Variants in TENM2 observed in about 807,000 individuals in gnomAD.
The protein encoded by TENM2 is teneurin transmembrane protein 2, also known as teneurin-2.
TENM2 carries 52 observed loss-of-function variants against 245.2 expected under a neutral mutation model. The ratio of observed to expected loss-of-function variants is 0.21; its 90% CI spans 0.17 to 0.27. TENM2 has a LOEUF of 0.27. Ranked by LOEUF, TENM2 falls within the 10% of genes least tolerant of loss-of-function variation. The probability of loss-of-function intolerance (pLI) is 1.00; values close to 1 mark genes in which losing one functional copy is unlikely to be tolerated. For missense variants in TENM2, 3,046 were observed against 3,666.8 expected, an observed-to-expected ratio of 0.83 and a Z score of 4.37; for synonymous variants, 1,363 against 1,438.9, an observed-to-expected ratio of 0.95 and a Z score of 1.19.
At chr5:167,572,247 G>A (rs552052199) in intron 2 of TENM2, among the ~76,000 whole-genome samples, 3 of 152,320 alleles carry the variant, frequency 2.0e-5, no homozygotes, top group South Asian at 4.1e-4. Context: ...TGGCCAGTGT[G>A]GGGGAAGAGA....
intron 2 of TENM2, among the ~76,000 whole-genome samples, chr5:167,616,377 C>G (rs72819683): frequency 0.028 from 4,311 of 152,178 alleles, 87 homozygotes; most frequent in Non-Finnish European, 0.044. Flanking sequence ...TTATAGCATT[C>G]TTGCCATTTG....
chr5:167,796,970 C>T (rs957266080), intron 2 of TENM2, among the ~76,000 whole-genome samples: 20 of 151,644 alleles, frequency 1.3e-4, no homozygotes, highest in African/African-American at 4.4e-4. Context: ...TTGTCAATAT[C>T]GGAGTCATAG....
At chr5:167,382,855 A>G (rs886966485) in intron 2 of TENM2, among the ~76,000 whole-genome samples, 1 of 152,224 alleles carries the variant, frequency 6.6e-6, no homozygotes, top group South Asian at 2.1e-4. Context: ...GATCTTTGAA[A>G]GGAATTTTTA....
At chr5:167,894,603 T>C (rs1042118298) in intron 3 of TENM2, among the ~76,000 whole-genome samples, 13 of 152,116 alleles carry the variant, frequency 8.5e-5, no homozygotes, top group African/African-American at 3.1e-4. Context: ...TCAAATATCA[T>C]TCCTTGGATA....
chr5:167,184,631 C>T, the TENM2 span, among the ~76,000 whole-genome samples: 1 of 152,078 alleles, frequency 6.6e-6, no homozygotes, highest in Non-Finnish European at 1.5e-5. Context: ...TGAACATAGC[C>T]CAGCTCTGTG....
At chr5:168,229,483 G>A (rs1045360418) in intron 25 of TENM2, 16 of 152,098 alleles carry the variant, frequency 1.1e-4, no homozygotes, top group Non-Finnish European at 8.8e-5. Context: ...TTACCTTCAG[G>A]TTGCGGGGAG....
At chr5:167,201,174 A>G in the TENM2 span, among the ~76,000 whole-genome samples, 6 of 152,204 alleles carry the variant, frequency 3.9e-5, no homozygotes, top group Non-Finnish European at 2.9e-5. Context: ...CAGATTTGTT[A>G]GAAAGTAGCT....
At position 168,244,503 on chromosome 5, in the gene TENM2, C is replaced by A; in HGVS notation, c.5604C>A (p.Thr1868=). Reference sequence around the variant, plus strand: ...TCTATGATGACCACCGGAAGTTCACCCTGAGGATCATTTATGACCAGGTGG... The same window carrying A: ...TCTATGATGACCACCGGAAGTTCACACTGAGGATCATTTATGACCAGGTGG... The change falls in exon 26 of 29, where the codon ACC becomes ACA. Residue 1868 remains threonine (T), a synonymous_variant. Coordinates refer to ENST00000518659, the Ensembl canonical transcript of TENM2. The surrounding 1 kb of genome is among the most constrained non-coding windows in gnomAD (Gnocchi z 4.9). 2 of 1,610,542 alleles carry A rather than the reference C, an allele frequency of 1.2e-6. No homozygotes were observed. Among genetic ancestry groups the A allele is most frequent in the Non-Finnish European group, 1.7e-6 (2 of 1,177,954 alleles).
chr5:167,702,067 T>C (rs1381637649), intron 2 of TENM2, among the ~76,000 whole-genome samples: 1 of 152,218 alleles, frequency 6.6e-6, no homozygotes, highest in East Asian at 1.9e-4. Context: ...AACTATAAAA[T>C]GTGTTCCCTG....
chr5:168,230,003 C>T (rs1764691091), intron 25 of TENM2: 1 of 152,178 alleles, frequency 6.6e-6, no homozygotes, highest in Admixed American at 6.5e-5. Flanking sequence ...ATCAGTTATG[C>T]ATTTTGACTA....
intron 2 of TENM2, among the ~76,000 whole-genome samples, chr5:167,428,951 C>T (rs184522340): frequency 1.3e-5 from 2 of 152,114 alleles, no homozygotes; most frequent in Non-Finnish European, 1.5e-5. Context: ...AAAATAATGT[C>T]CTTCTTCATC....
chr5:167,971,902 G>A (rs749682468), intron 4 of TENM2, among the ~76,000 whole-genome samples: 1 of 152,088 alleles, frequency 6.6e-6, no homozygotes, highest in Admixed American at 6.5e-5. Flanking sequence ...TCCACAACAC[G>A]CCAGCGCCTT....
chr5:167,847,395 A>G (rs916924442), intron 2 of TENM2, among the ~76,000 whole-genome samples: 1 of 152,260 alleles, frequency 6.6e-6, no homozygotes, highest in Non-Finnish European at 1.5e-5. Flanking sequence ...TCAAATCACT[A>G]GAAAATCTAC....
chr5:167,197,170 T>C, the TENM2 span, among the ~76,000 whole-genome samples: 1 of 152,074 alleles, frequency 6.6e-6, no homozygotes, highest in East Asian at 1.9e-4. Context: ...AGAGCCAAGA[T>C]ATATAAACTC....
At chr5:168,008,344 G>A (rs890220530) in intron 5 of TENM2, among the ~76,000 whole-genome samples, 1 of 152,212 alleles carries the variant, frequency 6.6e-6, no homozygotes, top group African/African-American at 2.4e-5. Context: ...ATGATAGATG[G>A]CCTTGAAATC....
chr5:166,984,155 GT>G, the TENM2 span, among the ~76,000 whole-genome samples: 1 of 152,064 alleles, frequency 6.6e-6, no homozygotes, highest in Non-Finnish European at 1.5e-5. Flanking sequence ...ATAAAAGGGA[GT>G]TATGTACCTT....
the TENM2 span, among the ~76,000 whole-genome samples, chr5:167,070,447 T>C: frequency 6.6e-6 from 1 of 151,998 alleles, no homozygotes; most frequent in Non-Finnish European, 1.5e-5. Flanking sequence ...GAAATATTGA[T>C]GATGCAAATA....
intron 12 of TENM2, among the ~76,000 whole-genome samples, chr5:168,159,552 T>C (rs889693919): frequency 1.3e-5 from 2 of 152,226 alleles, no homozygotes; most frequent in African/African-American, 4.8e-5. Context: ...GGCTTTGCAC[T>C]TTACAAACAC....
At chr5:167,678,079 T>C (rs1453354175) in intron 2 of TENM2, among the ~76,000 whole-genome samples, 1 of 152,094 alleles carries the variant, frequency 6.6e-6, no homozygotes, top group Non-Finnish European at 1.5e-5. Context: ...TATGACTGTT[T>C]CTGTTATGCA....
Sources: gnomAD v4.1 joint callset for allele counts (sites outside exome capture counted in the v4.1 genomes callset) on GRCh38, gnomAD v4.1.1 for gene constraint, Gnocchi (gnomAD v3.1) non-coding constraint, MANE v1.5 for transcripts, NCBI Gene and HGNC (gene_info 2026-07-23, HGNC 2026-07-21) for gene names.